The following ITPKB variants were observed in gnomAD, a reference collection of about 807,000 sequenced individuals.
ITPKB encodes IP3 3-kinase B.
Under a neutral mutation model 69.4 loss-of-function variants are expected in ITPKB, and 13 were observed. The observed-to-expected ratio is 0.19, with a 90% confidence interval of 0.12 to 0.30. The LOEUF (loss-of-function observed/expected upper bound fraction) is 0.30, where lower values mean the gene tolerates loss of function less well. Ranked by LOEUF, ITPKB falls within the 10% of genes least tolerant of loss-of-function variation. ITPKB has a pLI of 1.00. For missense variants in ITPKB, 1,240 were observed against 1,250.5 expected, an observed-to-expected ratio of 0.99 and a Z score of 0.13; for synonymous variants, 584 against 513.7, an observed-to-expected ratio of 1.14 and a Z score of -1.85.
chr1:226,713,432 C>T (rs1657022183), intron 2 of ITPKB, among the ~76,000 whole-genome samples: 1 of 152,264 alleles, frequency 6.6e-6, no homozygotes, highest in South Asian at 2.1e-4. Context: ...GCCTCTGTGC[C>T]CCCTCTGTCA....
At position 226,737,474 on chromosome 1, in the gene ITPKB, G is replaced by C. The variant is rs1657832184; in HGVS notation, c.-16C>G. Reference sequence around the variant, plus strand: ...ACACAGCCATAGTACTGGGTCCCGCGCTGCCCGCCGCCGCGGCTCCCGCTC... The same window carrying C: ...ACACAGCCATAGTACTGGGTCCCGCCCTGCCCGCCGCCGCGGCTCCCGCTC... On this transcript the variant is annotated 5_prime_UTR_variant, in exon 2 of 8. Coordinates refer to ENST00000429204, the MANE Select transcript of ITPKB (RefSeq NM_002221.4). 6.5e-7 allele frequency: 1 copy of C among 1,543,766 alleles called. No individual in the cohort carries two copies.
intron 2 of ITPKB, among the ~76,000 whole-genome samples, chr1:226,711,442 A>AGAGAGTGT (rs1491474441): frequency 1.5e-4 from 15 of 102,292 alleles, no homozygotes; most frequent in African/African-American, 6.2e-4. Flanking sequence ...AGAGAGAGAG[A>AGAGAGTGT]GTGTGTGTGT....
chr1:226,689,647 A>G (rs1656302348), intron 2 of ITPKB, among the ~76,000 whole-genome samples: 1 of 151,294 alleles, frequency 6.6e-6, no homozygotes, highest in Admixed American at 6.6e-5. Flanking sequence ...TTAAGTTCAG[A>G]GGTACATGTA....
At chr1:226,688,049 C>T (rs1024369113) in intron 2 of ITPKB, among the ~76,000 whole-genome samples, 3 of 152,114 alleles carry the variant, frequency 2.0e-5, no homozygotes, top group Non-Finnish European at 4.4e-5. Flanking sequence ...AGAAATACAC[C>T]CAAAGTAGAA....
intron 2 of ITPKB, among the ~76,000 whole-genome samples, chr1:226,681,429 T>C (rs1011805263): frequency 1.3e-5 from 2 of 152,190 alleles, no homozygotes; most frequent in African/African-American, 4.8e-5. Context: ...ACAGCTTGTG[T>C]GTCCATTCTC....
At chr1:226,716,019 C>A (rs1318596861) in intron 2 of ITPKB, among the ~76,000 whole-genome samples, 41 of 152,166 alleles carry the variant, frequency 2.7e-4, no homozygotes, top group Non-Finnish European at 7.3e-5. Context: ...CCAAGTTGGC[C>A]AGGCTGGTCT....
Position 226,735,562 on chromosome 1 carries a change from A to G in ITPKB, c.1897T>C (p.Phe633Leu), listed in dbSNP as rs1182756734. The G allele has an allele frequency of 7.1e-6, 11 of 1,550,326 alleles. No homozygotes were observed. The highest frequency in any genetic ancestry group is 6.1e-6 in the Non-Finnish European group (7 of 1,147,830). ...TTCTGCTGGTCCAGGGTATGCAGGA[A>G]GGCTGAGTTGGGGTCCAGGGTGCGC... ...PERTLDPNSA[F>L]LHTLDQQKPR... The change falls in exon 2 of 8, where the codon TTC (phenylalanine) becomes CTC (leucine). Residue 633 changes from phenylalanine (F) to leucine (L), a missense_variant. Coordinates refer to ENST00000429204, the MANE Select transcript of ITPKB (RefSeq NM_002221.4).
chr1:226,674,373 A>G (rs951155280), intron 2 of ITPKB, among the ~76,000 whole-genome samples: 1 of 151,918 alleles, frequency 6.6e-6, no homozygotes. Context: ...TGATTTTTGT[A>G]GTTTTAGTAG....
intron 2 of ITPKB, among the ~76,000 whole-genome samples, chr1:226,666,080 C>T (rs1394298723): frequency 6.6e-6 from 1 of 152,198 alleles, no homozygotes; most frequent in African/African-American, 2.4e-5. Flanking sequence ...ACAGACATGA[C>T]CGCAGAGGGC....
chr1:226,669,901 T>C (rs545643993), intron 2 of ITPKB, among the ~76,000 whole-genome samples: 1 of 150,930 alleles, frequency 6.6e-6, no homozygotes, highest in African/African-American at 2.4e-5. Flanking sequence ...TGAGATGTTG[T>C]CTCGAACTGT....
At chr1:226,723,834 G>T (rs1657321056) in intron 2 of ITPKB, among the ~76,000 whole-genome samples, 1 of 152,072 alleles carries the variant, frequency 6.6e-6, no homozygotes, top group Admixed American at 6.5e-5. Context: ...ACAGGGGATT[G>T]TTTTTTTAAA....
chr1:226,635,966 C>T (rs1297199279), intron 7 of ITPKB, among the ~76,000 whole-genome samples: 1 of 152,240 alleles, frequency 6.6e-6, no homozygotes, highest in East Asian at 1.9e-4. Flanking sequence ...AGGTGGGGCC[C>T]CTGGCGAGGC....
intron 2 of ITPKB, among the ~76,000 whole-genome samples, chr1:226,731,119 A>G (rs978283393): frequency 5.3e-5 from 8 of 152,242 alleles, no homozygotes; most frequent in African/African-American, 1.9e-4. Context: ...TATCTTTGAT[A>G]AGACAAGGTC....
intron 7 of ITPKB, among the ~76,000 whole-genome samples, chr1:226,635,750 C>A (rs935134407): frequency 2.0e-5 from 3 of 152,232 alleles, no homozygotes; most frequent in African/African-American, 7.2e-5. Flanking sequence ...CGTGGGCAGA[C>A]CCTATAGGGC....
At chr1:226,680,894 C>T (rs1038835387) in intron 2 of ITPKB, among the ~76,000 whole-genome samples, 1 of 152,164 alleles carries the variant, frequency 6.6e-6, no homozygotes, top group Non-Finnish European at 1.5e-5. Flanking sequence ...CTCTGCCACC[C>T]CCAACACACA....
intron 2 of ITPKB, among the ~76,000 whole-genome samples, chr1:226,689,526 A>G (rs1656294143): frequency 6.6e-6 from 1 of 151,208 alleles, no homozygotes; most frequent in African/African-American, 2.4e-5. Flanking sequence ...AGAAAGGAGG[A>G]GAAGGTTTTT....
chr1:226,634,727 G>T lies in ITPKB; in HGVS notation c.2785C>A (p.Leu929Ile). The change falls in exon 8 of 8, where the codon CTC becomes ATC. Residue 929 changes from leucine to isoleucine, a missense_variant. Leu to Ile is a conservative substitution (Grantham distance 5). Around this residue, in one of 2 missense-constraint regions of ITPKB, gnomAD observed 248 missense variants for 396.7 expected, o/e 0.63. Coordinates refer to ENST00000429204, the MANE Select transcript of ITPKB (RefSeq NM_002221.4). The surrounding 1 kb of genome is among the most constrained non-coding windows in gnomAD (Gnocchi z 6.3). Reference sequence around the variant, plus strand: ...GTCAGGATGTCGACGAGGTTATTGAGCCCCGAGAGGTAGCCATCCTCCCGG... The same window carrying T: ...GTCAGGATGTCGACGAGGTTATTGATCCCCGAGAGGTAGCCATCCTCCCGG... ...GNREDGYLSG[L>I]NNLVDILTEM... 1 of 1,066,132 alleles carries T rather than the reference G, an allele frequency of 9.4e-7. No homozygotes were observed. The highest frequency in any genetic ancestry group is 1.5e-6 in the Non-Finnish European group (1 of 679,700). 66.0% of individuals were successfully genotyped at this position (1,066,132 alleles called of 1,614,324 possible).
At position 226,659,607 on chromosome 1, in the gene ITPKB, G is replaced by A. The variant is rs181334274; in HGVS notation, c.1933-10836C>T. ...CCTACCTTGTCCCTGAAGTCTCTCAGGCCACTCTAGCCCCACGCCACTCCT... is the reference window on the plus strand; with the variant it reads ...CCTACCTTGTCCCTGAAGTCTCTCAAGCCACTCTAGCCCCACGCCACTCCT... On this transcript the variant is annotated intron_variant, in intron 2 of 7. Transcript: ENST00000429204. 3.9e-5 allele frequency: 6 copies of A among 152,212 alleles called. 1 individual carries two copies. The highest frequency in any genetic ancestry group is 1.4e-4 in the African/African-American group (6 of 41,500). 9.4% of individuals were successfully genotyped at this position (152,212 alleles called of 1,614,324 possible).
At chr1:226,726,999 A>T (rs761286927) in intron 2 of ITPKB, among the ~76,000 whole-genome samples, 21 of 152,154 alleles carry the variant, frequency 1.4e-4, no homozygotes, top group Non-Finnish European at 2.4e-4. Context: ...TGTTTATCTC[A>T]TTGTCATACA....
Sources: gnomAD v4.1 joint callset for allele counts (sites outside exome capture counted in the v4.1 genomes callset) on GRCh38, gnomAD v4.1.1 for gene constraint, gnomAD v4.1.1 regional missense constraint, Gnocchi (gnomAD v3.1) non-coding constraint, MANE v1.5 for transcripts, NCBI Gene and HGNC (gene_info 2026-07-23, HGNC 2026-07-21) for gene names.